TLCD3B: variants seen among roughly 807,000 people sequenced by gnomAD.
TLCD3B encodes the protein ceramide synthase.
TLCD3B carries 9 observed loss-of-function variants against 23.0 expected under a neutral mutation model. The ratio of observed to expected loss-of-function variants is 0.39; its 90% confidence interval spans 0.24 to 0.68. The LOEUF (loss-of-function observed/expected upper bound fraction) is 0.68, where lower values mean the gene tolerates loss of function less well. Among genes scored for constraint, TLCD3B ranks in the 30% least tolerant of loss-of-function variants. TLCD3B has a pLI of 0.44. For synonymous variants in TLCD3B, 161 were observed against 161.0 expected (o/e 1.00, Z 0.00); for missense variants, 307 against 371.8 (o/e 0.83, Z 1.43).
At chr16:30,044,310 T>C (rs536786643) in intron 2 of TLCD3B, among the ~76,000 whole-genome samples, 27 of 150,372 alleles carry the variant, frequency 1.8e-4, no homozygotes, top group African/African-American at 6.1e-4. Context: ...CCATGTACTT[T>C]ATTTTCTTTC....
At position 30,048,063 on chromosome 16, in the gene TLCD3B, AC is replaced by A. The variant is rs111856125; in HGVS notation, c.-293-1677del. ...AGACTGAGGCAGAAGAATCGCTTGA[AC>A]CCAGAAGGCAGAGGTTGCAGTGAGT... On this transcript the variant is annotated intron_variant, in intron 1 of 6. Coordinates refer to the TLCD3B transcript ENST00000561666. Among the ~76,000 whole-genome samples the A allele has an allele frequency of 2.1e-3, 324 of 151,528 alleles. 1 individual carries two copies. Among genetic ancestry groups the A allele is most frequent in the Middle Eastern group, 0.01 (3 of 290 alleles).
chr16:30,041,615 G>T (rs1010416674), intron 2 of TLCD3B, among the ~76,000 whole-genome samples: 3 of 151,530 alleles, frequency 2.0e-5, no homozygotes, highest in African/African-American at 7.3e-5. Flanking sequence ...CCAGCTACTT[G>T]GGAGGCTGAG....
intron 2 of TLCD3B, chr16:30,041,209 A>C (rs2150994009): frequency 6.6e-6 from 1 of 152,084 alleles, no homozygotes. Flanking sequence ...AATGGCTTTA[A>C]ATTTTTTTAA....
At chr16:30,036,856 G>A (rs1279360752) in intron 3 of TLCD3B, among the ~76,000 whole-genome samples, 1 of 151,960 alleles carries the variant, frequency 6.6e-6, no homozygotes, top group African/African-American at 2.4e-5. Context: ...AGGCTGAGGC[G>A]AGTGGGTCAC....
At chr16:30,039,108 T>C (rs1420344466) in intron 3 of TLCD3B, among the ~76,000 whole-genome samples, 4 of 134,608 alleles carry the variant, frequency 3.0e-5, no homozygotes, top group East Asian at 2.1e-4. Context: ...CCTCTCTTTT[T>C]TTTTTTTTTT....
chr16:30,049,822 G>C (rs560091843), intron 1 of TLCD3B, among the ~76,000 whole-genome samples: 7 of 152,132 alleles, frequency 4.6e-5, no homozygotes, highest in African/African-American at 1.7e-4. Flanking sequence ...CTATTTGGGA[G>C]GCTGAGATAG....
chr16:30,046,036 G>T (rs1405033958), intron 2 of TLCD3B, among the ~76,000 whole-genome samples: 1 of 152,096 alleles, frequency 6.6e-6, no homozygotes, highest in Non-Finnish European at 1.5e-5. Flanking sequence ...CTTGAGCTAG[G>T]GAGGTGGAGG....
intron 1 of TLCD3B, among the ~76,000 whole-genome samples, chr16:30,048,797 G>A (rs1266181643): frequency 6.6e-6 from 1 of 151,504 alleles, no homozygotes; most frequent in Non-Finnish European, 1.5e-5. Context: ...TGGGGGCGGA[G>A]TCTCTGTCTG....
In TLCD3B at chr16:30,030,716, A is replaced by G. The variant is rs1161196410; in HGVS notation, c.-189T>C. 8.5e-6 allele frequency: 4 copies of G among 471,726 alleles called. No individual in the cohort carries two copies. The highest frequency in any genetic ancestry group is 3.9e-4 in the East Asian group (1 of 2,578). The allele number at this position is 471,726 out of a possible 1,614,324, so 29.2% of individuals were successfully genotyped here. ...AGTCCGATGAAACTGGGGAGTCGGG[A>G]GGGGGCTGGCTGGGCAGAGACGGGG... On this transcript the variant is annotated 5_prime_UTR_variant, in exon 1 of 5. Coordinates refer to ENST00000380495, the MANE Select transcript of TLCD3B (RefSeq NM_031478.6).
chr16:30,033,962 T>C (rs2071417217), upstream of TLCD3B, among the ~76,000 whole-genome samples: 1 of 151,200 alleles, frequency 6.6e-6, no homozygotes. Flanking sequence ...TGAGATTCTA[T>C]CTCAAAAAAA....
At chr16:30,032,870 ACTC>A (rs2071395442), upstream of TLCD3B, 1 of 151,156 alleles carries the variant, frequency 6.6e-6, no homozygotes, top group Admixed American at 6.6e-5. Flanking sequence ...CTGGTCTCAA[ACTC>A]CTGGGCTCAA....
At position 30,025,945 on chromosome 16, in the gene TLCD3B, G is replaced by A; in HGVS notation, c.445-124C>T. The A allele has an allele frequency of 1.3e-6, 1 of 742,152 alleles. No homozygotes were observed. The highest frequency in any genetic ancestry group is 1.7e-5 in the South Asian group (1 of 59,890). The allele number at this position is 742,152 out of a possible 1,614,324, so 46.0% of individuals were successfully genotyped here. ...TTGACTCTGAACATCAGAACACCTG[G>A]GTGCAGGGCTGGGTGCAGTGGCTCA... is the stretch of plus-strand genomic sequence containing the variant. On this transcript the variant is annotated intron_variant, in intron 3 of 4. Coordinates refer to ENST00000380495, the MANE Select transcript of TLCD3B (RefSeq NM_031478.6). The surrounding 1 kb of genome is among the most constrained non-coding windows in gnomAD (Gnocchi z 4.1).
At chr16:30,035,264 C>A, upstream of TLCD3B, 1 of 1,257,496 alleles carries the variant, frequency 8.0e-7, no homozygotes. Flanking sequence ...TCTGCTTCTG[C>A]TTTCACCACA....
At chr16:30,045,081 A>C (rs2071639233) in intron 2 of TLCD3B, among the ~76,000 whole-genome samples, 1 of 140,116 alleles carries the variant, frequency 7.1e-6, no homozygotes, top group Non-Finnish European at 1.5e-5. Flanking sequence ...CGACAAAGCA[A>C]GACTCCATCT....
At chr16:30,028,086 G>A (rs995995708) in intron 2 of TLCD3B, among the ~76,000 whole-genome samples, 8 of 152,176 alleles carry the variant, frequency 5.3e-5, no homozygotes, top group East Asian at 1.9e-4. Context: ...TAGAGAACGC[G>A]AAGCGGGAAC....
At position 30,025,188 on chromosome 16, in the gene TLCD3B, C is replaced by A; in HGVS notation, c.820G>T (p.Asp274Tyr). 1 of 1,470,554 alleles carries A rather than the reference C, an allele frequency of 6.8e-7. No individual in the cohort carries two copies. The highest frequency in any genetic ancestry group is 9.0e-7 in the Non-Finnish European group (1 of 1,116,600). The allele number at this position is 1,470,554 out of a possible 1,614,324, so 91.1% of individuals were successfully genotyped here. Residue 274 changes from aspartate to tyrosine, a missense_variant, in exon 5 of 5, where the codon GAC (aspartate) becomes TAC (tyrosine). Asp to Tyr is a radical substitution (Grantham distance 160). Transcript: ENST00000380495. The surrounding 1 kb of genome is among the most constrained non-coding windows in gnomAD (Gnocchi z 4.1). ...SRPPPACQAQ[D>Y] ...GAGGGTCCCGGCCCCCGGCCTCAGT[C>A]CTGGGCCTGGCAGGCCGGGGGCGGC...
At chr16:30,034,317 T>C (rs142088748), upstream of TLCD3B, among the ~76,000 whole-genome samples, 94 of 145,278 alleles carry the variant, frequency 6.5e-4, no homozygotes, top group Middle Eastern at 8.8e-3. Flanking sequence ...CTCATGCCTG[T>C]AATCCCAGCA....
chr16:30,026,753 G>A lies in TLCD3B; in HGVS notation c.300C>T (p.His100=), dbSNP rs1194198008. 6.2e-7 allele frequency: 1 copy of A among 1,614,186 alleles called. No individual in the cohort carries two copies. The highest frequency in any genetic ancestry group is 8.5e-7 in the Non-Finnish European group (1 of 1,180,032). Residue 100 remains histidine, a synonymous_variant, in exon 3 of 5, where the codon CAC becomes CAT. Transcript: ENST00000380495. The part of the protein sequence containing the change: ...YAMFLCHWHK[H]QVKGHGGDDG... ...CGTCCCCTCCATGCCCTTTGACCTG[G>A]TGCTTGTGCCAGTGACAGAGGAACA...
intron 1 of TLCD3B, among the ~76,000 whole-genome samples, chr16:30,052,106 C>G (rs538020800): frequency 3.3e-5 from 5 of 152,132 alleles, no homozygotes; most frequent in Non-Finnish European, 5.9e-5. Flanking sequence ...GTGGCTCATG[C>G]CAGTAATCCT....
Sources: gnomAD v4.1 joint callset for allele counts (sites outside exome capture counted in the v4.1 genomes callset) on GRCh38, gnomAD v4.1.1 for gene constraint, Gnocchi (gnomAD v3.1) non-coding constraint, MANE v1.5 for transcripts, NCBI Gene and HGNC (gene_info 2026-07-23, HGNC 2026-07-21) for gene names.